The following GPC4 variants were observed in gnomAD, a reference collection of about 807,000 sequenced individuals.
GPC4 encodes glypican-4.
Under a neutral mutation model 35.0 loss-of-function variants are expected in GPC4, and 10 were observed. That is an observed-to-expected ratio of 0.29 (90% CI 0.18 to 0.48). The LOEUF is 0.48. Among genes scored for constraint, GPC4 ranks in the 20% least tolerant of loss-of-function variants. The pLI, the probability that GPC4 is intolerant of heterozygous loss-of-function variation, is 0.99. For synonymous variants in GPC4, 167 were observed against 170.2 expected (o/e 0.98, Z 0.15); for missense variants, 322 against 451.3 (o/e 0.71, Z 2.60).
chrX:133,354,899 T>C (rs768432772), intron 1 of GPC4, among the ~76,000 whole-genome samples: 7 of 112,430 alleles, frequency 6.2e-5, no homozygotes, highest in South Asian at 3.7e-4. Flanking sequence ...GCTACTCTTA[T>C]GTTTTAACTC....
chrX:133,386,458 A>G (rs1182194882), intron 1 of GPC4, among the ~76,000 whole-genome samples: 1 of 111,801 alleles, frequency 8.9e-6, no homozygotes, highest in East Asian at 2.8e-4. Context: ...AAGGGACATG[A>G]TTTTATTCTG....
At chrX:133,351,414 C>T (rs2068515750) in intron 1 of GPC4, among the ~76,000 whole-genome samples, 1 of 100,623 alleles carries the variant, frequency 9.9e-6, no homozygotes, top group Non-Finnish European at 2.0e-5. Context: ...AAATAGATCA[C>T]GTGCAATGGT....
intron 3 of GPC4, among the ~76,000 whole-genome samples, chrX:133,321,283 CA>C (rs2068363550): frequency 9.0e-6 from 1 of 111,595 alleles, no homozygotes; most frequent in Non-Finnish European, 1.9e-5. Context: ...TTCTAGCCTT[CA>C]ATCCTCTAAC....
intron 3 of GPC4, among the ~76,000 whole-genome samples, chrX:133,319,468 A>AAG (rs2068354479): frequency 1.9e-5 from 2 of 106,090 alleles, no homozygotes; most frequent in Non-Finnish European, 3.9e-5. Context: ...AAAAAAAAAA[A>AAG]AAAGAAAGAA....
chrX:133,375,715 T>C (rs1398449279), intron 1 of GPC4, among the ~76,000 whole-genome samples: 1 of 111,964 alleles, frequency 8.9e-6, no homozygotes, highest in Non-Finnish European at 1.9e-5. Context: ...GCATACTTTT[T>C]CTTTTTTTAA....
At chrX:133,359,023 A>AG (rs1426641568) in intron 1 of GPC4, among the ~76,000 whole-genome samples, 2 of 111,281 alleles carry the variant, frequency 1.8e-5, no homozygotes, top group African/African-American at 3.3e-5. Flanking sequence ...TGAGGGATGG[A>AG]GGGGGGAAGG....
At chrX:133,323,924 T>C (rs1337066149) in intron 3 of GPC4, among the ~76,000 whole-genome samples, 1 of 111,446 alleles carries the variant, frequency 9.0e-6, no homozygotes, top group Non-Finnish European at 1.9e-5. Flanking sequence ...AACCCCACAA[T>C]AATAATGATA....
chrX:133,390,652 A>G (rs1054160487), intron 1 of GPC4, among the ~76,000 whole-genome samples: 4 of 112,476 alleles, frequency 3.6e-5, no homozygotes, highest in African/African-American at 1.3e-4. Context: ...GTTTTATTAT[A>G]TTCAAGAATA....
At chrX:133,411,250 G>A (rs939521520) in intron 1 of GPC4, among the ~76,000 whole-genome samples, 1 of 111,864 alleles carries the variant, frequency 8.9e-6, no homozygotes, top group Non-Finnish European at 1.9e-5. Context: ...TGCAACTAGG[G>A]CACAAAGTTC....
intron 3 of GPC4, among the ~76,000 whole-genome samples, chrX:133,319,521 G>A (rs1418119887): frequency 9.4e-6 from 1 of 106,615 alleles, no homozygotes; most frequent in African/African-American, 3.4e-5. Context: ...TGGCTGATGG[G>A]GTGGCTCTCT....
chrX:133,414,495 G>A (rs1479035359), intron 1 of GPC4: 1 of 751,775 alleles, frequency 1.3e-6, no homozygotes, highest in Non-Finnish European at 1.6e-6. Flanking sequence ...GGCTTCCCGG[G>A]ACGGCGAATA....
At chrX:133,348,779 TAC>T (rs1409602099) in intron 1 of GPC4, among the ~76,000 whole-genome samples, 50 of 112,201 alleles carry the variant, frequency 4.5e-4, no homozygotes, top group African/African-American at 1.5e-3. Flanking sequence ...GAAAAACAAA[TAC>T]ACAGACTTTG....
intron 2 of GPC4, among the ~76,000 whole-genome samples, chrX:133,327,257 A>G (rs2068398266): frequency 9.0e-6 from 1 of 111,149 alleles, no homozygotes. Flanking sequence ...CTCAAAACTC[A>G]CTTGCATTTT....
intron 2 of GPC4, among the ~76,000 whole-genome samples, chrX:133,335,646 A>G (rs781698220): frequency 8.9e-6 from 1 of 112,782 alleles, no homozygotes; most frequent in East Asian, 2.8e-4. Context: ...AACTGGCACT[A>G]GAACCCTGAC....
At chrX:133,396,081 A>G (rs2078946185) in intron 1 of GPC4, among the ~76,000 whole-genome samples, 2 of 111,877 alleles carry the variant, frequency 1.8e-5, no homozygotes, top group Admixed American at 1.9e-4. Flanking sequence ...AAATGCTGTT[A>G]TTCTTTCTTA....
At chrX:133,354,608 C>T (rs1373612570) in intron 1 of GPC4, among the ~76,000 whole-genome samples, 1 of 105,450 alleles carries the variant, frequency 9.5e-6, no homozygotes, top group Admixed American at 9.9e-5. Context: ...GTCGCCCAGG[C>T]CAGACTGCGG....
At chrX:133,380,143 C>A (rs2068654278) in intron 1 of GPC4, among the ~76,000 whole-genome samples, 1 of 110,426 alleles carries the variant, frequency 9.1e-6, no homozygotes, top group African/African-American at 3.3e-5. Context: ...TTGAGACCAG[C>A]CTGGCTAAGA....
At chrX:133,344,929 G>A (rs2068485885) in intron 1 of GPC4, among the ~76,000 whole-genome samples, 1 of 112,528 alleles carries the variant, frequency 8.9e-6, no homozygotes. Context: ...AAGGACCGCA[G>A]TGAGGAACAT....
chrX:133,358,765 C>T (rs763315467), intron 1 of GPC4, among the ~76,000 whole-genome samples: 1 of 110,976 alleles, frequency 9.0e-6, no homozygotes, highest in African/African-American at 3.3e-5. Flanking sequence ...CAGTTTATCA[C>T]CGGATCACCT....
Sources: allele counts gnomAD v4.1 joint callset (sites outside exome capture counted in the v4.1 genomes callset), GRCh38; gene constraint gnomAD v4.1.1; transcripts MANE v1.5; gene names NCBI Gene and HGNC (gene_info 2026-07-23, HGNC 2026-07-21).